Variants in POLR3A observed in about 807,000 individuals in gnomAD.
The protein encoded by POLR3A is RNA polymerase III subunit A.
POLR3A carries 112 observed loss-of-function variants against 152.8 expected under a neutral mutation model. The observed-to-expected ratio is 0.73, with a 90% CI of 0.63 to 0.86. The LOEUF is 0.86. POLR3A is among the 40% of genes least tolerant of loss of function. The pLI is 0.00. For missense variants in POLR3A, 1,385 were observed against 1,743.1 expected (o/e 0.79, Z 3.66); for synonymous variants, 615 against 652.1 (o/e 0.94, Z 0.87).
chr10:78,018,134 C>T (rs934674266), intron 9 of POLR3A, among the ~76,000 whole-genome samples: 2 of 150,264 alleles, frequency 1.3e-5, no homozygotes, highest in African/African-American at 4.9e-5. Flanking sequence ...CATGATTGTG[C>T]CATTGCGCTC....
At chr10:78,002,068 C>T in intron 17 of POLR3A, 129 bp downstream of exon 17, 1 of 624,630 alleles carries the variant, frequency 1.6e-6, no homozygotes, top group African/African-American at 1.8e-5. Context: ...TTAAGTCTCT[C>T]TCTCTGATTT....
intron 21 of POLR3A, among the ~76,000 whole-genome samples, chr10:77,990,342 A>G (rs1388749488): frequency 1.3e-5 from 2 of 152,216 alleles, no homozygotes; most frequent in African/African-American, 4.8e-5. Flanking sequence ...GTTTAAAATA[A>G]ATGGTATCAA....
chr10:78,013,566 T>C (rs1847487278), intron 11 of POLR3A, 84 bp downstream of exon 11: 1 of 1,385,844 alleles, frequency 7.2e-7, no homozygotes, highest in Non-Finnish European at 1.0e-6. Context: ...GCGTTGTTAG[T>C]TGTGGTGGTG....
intron 1 of POLR3A, among the ~76,000 whole-genome samples, chr10:78,026,870 C>T (rs1026342155): frequency 6.6e-6 from 1 of 152,148 alleles, no homozygotes; most frequent in Admixed American, 6.5e-5. Flanking sequence ...CACTTCAAAC[C>T]CCACACATTG....
intron 17 of POLR3A, 125 bp from the exon 18 acceptor site, chr10:78,001,219 G>A: frequency 1.6e-6 from 1 of 625,052 alleles, no homozygotes; most frequent in Non-Finnish European, 3.0e-6. Context: ...TCCTGGAACA[G>A]TAGAAGACAG....
intron 4 of POLR3A, 93 bp downstream of exon 4, chr10:78,024,878 G>A: frequency 6.6e-7 from 1 of 1,514,182 alleles, no homozygotes; most frequent in Non-Finnish European, 9.1e-7. Context: ...AAGGAGAAAA[G>A]CTGACTCCCG....
intron 19 of POLR3A, 49 bp from the exon 20 acceptor site, chr10:77,993,416 C>T (rs773814103): frequency 2.8e-6 from 4 of 1,407,494 alleles, no homozygotes; most frequent in Non-Finnish European, 4.0e-6. Flanking sequence ...AGACTAGTCA[C>T]ATGGGGAGAG....
chr10:78,023,192 G>T (rs1847596831), intron 5 of POLR3A, among the ~76,000 whole-genome samples: 1 of 151,814 alleles, frequency 6.6e-6, no homozygotes, highest in Non-Finnish European at 1.5e-5. Flanking sequence ...TGGGCATGGT[G>T]GCTCATGTCT....
intron 1 of POLR3A, among the ~76,000 whole-genome samples, chr10:78,026,834 A>C (rs1332961624): frequency 6.6e-6 from 1 of 152,170 alleles, no homozygotes; most frequent in Non-Finnish European, 1.5e-5. Flanking sequence ...CTCCTCCTGG[A>C]CAGTTCCACC....
chr10:78,015,511 A>G (rs1355402974), intron 10 of POLR3A, among the ~76,000 whole-genome samples: 1 of 151,926 alleles, frequency 6.6e-6, no homozygotes, highest in Non-Finnish European at 1.5e-5. Context: ...GTATTTTAGT[A>G]AAGATGGGGT....
chr10:77,996,589 A>T (rs1431341784), intron 19 of POLR3A, among the ~76,000 whole-genome samples: 1 of 152,128 alleles, frequency 6.6e-6, no homozygotes, highest in Non-Finnish European at 1.5e-5. Context: ...CTCGACACAT[A>T]CATCCTCCCA....
intron 8 of POLR3A, among the ~76,000 whole-genome samples, chr10:78,020,599 C>T (rs950521611): frequency 5.3e-5 from 8 of 151,778 alleles, no homozygotes; most frequent in Admixed American, 2.6e-4. Flanking sequence ...CGATCCTGGC[C>T]AACATGGTGA....
chr10:78,007,756 T>A lies in POLR3A; in HGVS notation c.2020A>T (p.Asn674Tyr). The A allele has an allele frequency of 6.2e-7, 1 of 1,614,120 alleles. No individual in the cohort carries two copies. Among genetic ancestry groups the A allele is most frequent in the Non-Finnish European group, 8.5e-7 (1 of 1,179,986 alleles). ...CGTGACATGGCATCTGCAGCTTCAT[T>A]CTGTCCCCAGTCTCGCAGCAAAATG... ...FYILLRDWGQ[N>Y]EAADAMSRLA... The change falls in exon 15 of 31, where the codon AAT (asparagine) becomes TAT (tyrosine). Residue 674 changes from asparagine to tyrosine, a missense_variant. This residue lies in a region of POLR3A where 188 missense variants were observed against 179.9 expected (regional missense o/e 1.04). Transcript: ENST00000372371.
chr10:78,019,296 T>TCCC (rs1235038354), intron 8 of POLR3A, 31 bp from the exon 9 acceptor site: 1 of 1,357,006 alleles, frequency 7.4e-7, no homozygotes, highest in Non-Finnish European at 1.1e-6. Flanking sequence ...AATAAGTTAC[T>TCCC]CCCAGGTAAC....
chr10:77,984,035 T>A, intron 25 of POLR3A, 23 bp from the exon 26 acceptor site: 1 of 1,530,990 alleles, frequency 6.5e-7, no homozygotes, highest in Non-Finnish European at 9.0e-7. Context: ...AAGATCAGAC[T>A]GTTAATCAGC....
Position 78,025,050 on chromosome 10 carries a change from A to G in POLR3A, c.411T>C (p.Leu137=). The change falls in exon 4 of 31, where the codon CTT becomes CTC. Residue 137 remains leucine, a synonymous_variant. Coordinates refer to ENST00000372371, the MANE Select transcript of POLR3A (RefSeq NM_007055.4). ...TTTTCTTTTTCAGTCCTCGCTTCTG[A>G]AGGTAGGTCAGGCCGGGCCTCTTTA... The part of the protein sequence containing the change: ...DYLKRPGLTY[L]QKRGLKKKIS... 1 of 1,614,128 alleles carries G rather than the reference A, an allele frequency of 6.2e-7. No homozygotes were observed. Among genetic ancestry groups the G allele is most frequent in the Non-Finnish European group, 8.5e-7 (1 of 1,180,018 alleles).
rs1019080278 is a variant in POLR3A at position 77,994,364 on chromosome 10, C to T, written c.2617-997G>A. Among the ~76,000 whole-genome samples the T allele has an allele frequency of 3.9e-5, 6 of 151,956 alleles. No individual in the cohort carries two copies. The South Asian group carries it at 1.0e-3, about 26-fold the overall frequency. On this transcript the variant is annotated intron_variant, in intron 19 of 30. Transcript: ENST00000372371. The stretch of plus-strand genomic sequence containing the variant: ...TCATTCACATCTCTGGTTTATCTAC[C>T]CTGGTTTTCCAGCTTGCAAAGGGCC...
intron 30 of POLR3A, among the ~76,000 whole-genome samples, chr10:77,979,671 C>T (rs976831002): frequency 2.6e-5 from 4 of 152,304 alleles, no homozygotes; most frequent in East Asian, 1.9e-4. Context: ...CCACACCCCA[C>T]GGGTGGGTAG....
intron 18 of POLR3A, 108 bp from the exon 19 acceptor site, chr10:78,000,226 G>A (rs1258240942): frequency 4.4e-6 from 4 of 916,708 alleles, no homozygotes; most frequent in Non-Finnish European, 7.0e-6. Flanking sequence ...ATAAATACCT[G>A]GCCAGTATAT....
Sources: allele counts gnomAD v4.1 joint callset (sites outside exome capture counted in the v4.1 genomes callset), GRCh38; gene constraint gnomAD v4.1.1; regional missense constraint gnomAD v4.1.1; transcripts MANE v1.5; gene names NCBI Gene and HGNC (gene_info 2026-07-23, HGNC 2026-07-21).